The following KIF4A variants were observed in gnomAD, a reference collection of about 807,000 sequenced individuals.
The protein encoded by KIF4A is chromosome-associated kinesin KIF4A.
KIF4A carries 7 observed loss-of-function variants against 105.9 expected under a neutral mutation model. The ratio of observed to expected loss-of-function variants is 0.07; its 90% CI spans 0.04 to 0.12. KIF4A has a LOEUF of 0.12. KIF4A is among the 10% of genes least tolerant of loss of function. KIF4A has a pLI of 1.00. For synonymous variants in KIF4A, 281 were observed against 331.3 expected (o/e 0.85, Z 1.65); for missense variants, 558 against 929.2 (o/e 0.60, Z 5.19).
At chrX:70,406,820 T>G (rs2086302025) in intron 27 of KIF4A, 73 bp from the exon 28 acceptor site, 1 of 1,036,935 alleles carries the variant, frequency 9.6e-7, no homozygotes, top group Non-Finnish European at 1.3e-6. Context: ...CAACAGCTAC[T>G]GGGAAGATAT....
chrX:70,353,150 T>G (rs763878916), intron 14 of KIF4A, among the ~76,000 whole-genome samples: 1 of 112,249 alleles, frequency 8.9e-6, no homozygotes, highest in East Asian at 2.8e-4. Flanking sequence ...AAAGACAAAA[T>G]GAAAGGCTGG....
At chrX:70,396,081 A>T (rs1602802143) in intron 22 of KIF4A, 32 bp downstream of exon 22, 1 of 1,020,187 alleles carries the variant, frequency 9.8e-7, no homozygotes, top group Non-Finnish European at 1.4e-6. Context: ...CCATTATAAA[A>T]ATTTATGCCT....
At chrX:70,322,544 C>T (rs1024727824) in intron 7 of KIF4A, among the ~76,000 whole-genome samples, 4 of 108,647 alleles carry the variant, frequency 3.7e-5, no homozygotes, top group African/African-American at 1.3e-4. Context: ...ATCTCCTGAC[C>T]TCGTGATCCA....
In KIF4A at chrX:70,403,942, A is replaced by G; in HGVS notation, c.2698A>G (p.Lys900Glu). The change falls in exon 24 of 31, where the codon AAG becomes GAG. Residue 900 changes from lysine to glutamate, a missense_variant. Transcript: ENST00000374403. ...QSKTSCADMQ[K>E]MLFEERNHFA... ...CAAGACCAGCTGTGCTGACATGCAGAAGATGCTGTTTGAGGAACGAAATCA... is the reference window on the plus strand; with the variant it reads ...CAAGACCAGCTGTGCTGACATGCAGGAGATGCTGTTTGAGGAACGAAATCA... The G allele has an allele frequency of 8.3e-7, 1 of 1,211,922 alleles. No individual in the cohort carries two copies. Among genetic ancestry groups the G allele is most frequent in the African/African-American group, 1.7e-5 (1 of 57,935 alleles).
chrX:70,371,299 G>C (rs1442347142), intron 15 of KIF4A, among the ~76,000 whole-genome samples: 2 of 109,430 alleles, frequency 1.8e-5, no homozygotes, highest in Admixed American at 9.8e-5. Flanking sequence ...CACAGGGTTG[G>C]GGGTAAGGTC....
In KIF4A at chrX:70,420,442, C is replaced by A; in HGVS notation, c.*177C>A. On this transcript the variant is annotated 3_prime_UTR_variant, in exon 31 of 31. Transcript: ENST00000374403. ...TGGATGTGGGCCTTAGCCTCCAGGTCCAGACTACTACTCTATGTTCTCCAG... is the reference window on the plus strand; with the variant it reads ...TGGATGTGGGCCTTAGCCTCCAGGTACAGACTACTACTCTATGTTCTCCAG... 1.6e-6 allele frequency: 1 copy of A among 618,462 alleles called. No homozygotes were observed. The allele number at this position is 618,462 out of a possible 1,213,427, so 51.0% of individuals were successfully genotyped here. A position where few individuals can be genotyped will look rare whatever the true frequency, so the allele number is the denominator to read the frequency against.
intron 14 of KIF4A, among the ~76,000 whole-genome samples, chrX:70,353,289 T>G (rs2086038476): frequency 8.9e-6 from 1 of 111,930 alleles, no homozygotes; most frequent in Admixed American, 9.5e-5. Context: ...ATGAACCCTT[T>G]TCTCAATTTC....
intron 7 of KIF4A, among the ~76,000 whole-genome samples, chrX:70,321,176 G>A (rs1213404897): frequency 9.0e-6 from 1 of 110,737 alleles, no homozygotes; most frequent in Non-Finnish European, 1.9e-5. Context: ...CTCCATGCCA[G>A]CTGTCAGGTC....
intron 15 of KIF4A, among the ~76,000 whole-genome samples, chrX:70,363,242 TTC>T (rs1473006390): frequency 3.3e-5 from 2 of 60,922 alleles, no homozygotes; most frequent in East Asian, 8.5e-4. Flanking sequence ...GAAACTATTT[TTC>T]TTTTTTTTTT....
At chrX:70,315,557 T>C (rs1378171860) in intron 7 of KIF4A, among the ~76,000 whole-genome samples, 1 of 111,736 alleles carries the variant, frequency 8.9e-6, no homozygotes, top group Non-Finnish European at 1.9e-5. Flanking sequence ...CTGGGTCCCT[T>C]TAGGTGTATT....
chrX:70,404,117 G>A, intron 24 of KIF4A, 83 bp downstream of exon 24: 4 of 1,082,887 alleles, frequency 3.7e-6, no homozygotes, highest in East Asian at 3.2e-5. Context: ...GTGGGGATAT[G>A]AAATTTCTTT....
intron 5 of KIF4A, among the ~76,000 whole-genome samples, chrX:70,300,773 A>G (rs1296651784): frequency 8.9e-6 from 1 of 112,097 alleles, no homozygotes; most frequent in Non-Finnish European, 1.9e-5. Context: ...GTTACAAGTG[A>G]TATGTGAATT....
chrX:70,313,900 A>G (rs1263229628), intron 7 of KIF4A, among the ~76,000 whole-genome samples: 1 of 112,677 alleles, frequency 8.9e-6, no homozygotes, highest in Non-Finnish European at 1.9e-5. Flanking sequence ...ATAGGATTTG[A>G]ATATATTCTC....
Position 70,297,145 on chromosome X carries a change from A to G in KIF4A, c.383A>G (p.Lys128Arg), listed in dbSNP as rs1248911890. Residue 128 changes from lysine (K) to arginine (R), a missense_variant, in exon 4 of 31, where the codon AAA becomes AGA. This residue lies in a region of KIF4A where 89 missense variants were observed against 248.8 expected (regional missense o/e 0.36). Coordinates refer to ENST00000374403, the MANE Select transcript of KIF4A (RefSeq NM_012310.5). The part of the protein sequence containing the change: ...VIQLLFKEID[K>R]KSDFEFTLKV... ...CAACTGCTCTTCAAAGAAATTGATA[A>G]AAAGAGTGACTTTGAATTTACTCTG... is the stretch of plus-strand genomic sequence containing the variant. The G allele has an allele frequency of 2.5e-5, 30 of 1,209,165 alleles. No homozygotes were observed. The highest frequency in any genetic ancestry group is 3.4e-5 in the Non-Finnish European group (30 of 894,291).
rs201731152 is a variant in KIF4A, at chrX:70,405,984, ATTGTGGTGAC to A, written c.2976+83_2976+92del. Reference sequence around the variant, plus strand: ...AGGCCAGCTCTTGGGACCAACCCCCATTGTGGTGACTTGGCTTTATTTCATGAGGTCTACA... The same window carrying A: ...AGGCCAGCTCTTGGGACCAACCCCCATTGGCTTTATTTCATGAGGTCTACA... On this transcript the variant is annotated intron_variant, in intron 26 of 30. Transcript: ENST00000374403. 6,980 of 779,023 alleles carry A rather than the reference ATTGTGGTGAC, an allele frequency of 9.0e-3. 44 individuals are homozygous for A. The highest frequency in any genetic ancestry group is 9.7e-3 in the Non-Finnish European group (4,940 of 511,180). 64.2% of individuals were successfully genotyped at this position (779,023 alleles called of 1,213,427 possible).
At chrX:70,347,718 G>A (rs1381867229) in intron 13 of KIF4A, among the ~76,000 whole-genome samples, 1 of 108,133 alleles carries the variant, frequency 9.2e-6, no homozygotes, top group East Asian at 2.9e-4. Context: ...GCTCACGCCT[G>A]TAATCCCAGC....
At chrX:70,295,871 C>T (rs576422023) in intron 3 of KIF4A, among the ~76,000 whole-genome samples, 169 of 105,504 alleles carry the variant, frequency 1.6e-3, no homozygotes, top group Middle Eastern at 9.9e-3. Flanking sequence ...TAGCCGAGAT[C>T]GCGCCACTGC....
intron 17 of KIF4A, 149 bp from the exon 18 acceptor site, chrX:70,375,951 A>T (rs2086173317): frequency 4.8e-6 from 2 of 420,096 alleles, no homozygotes; most frequent in African/African-American, 4.9e-5. Flanking sequence ...AGCAAGGGGT[A>T]TTGTAAGCCT....
At chrX:70,372,201 G>A (rs1433701545) in intron 15 of KIF4A, among the ~76,000 whole-genome samples, 9 of 110,389 alleles carry the variant, frequency 8.2e-5, no homozygotes, top group African/African-American at 3.0e-4. Flanking sequence ...CCAGACGATG[G>A]GCGGCCAGGC....
Sources: allele counts gnomAD v4.1 joint callset (sites outside exome capture counted in the v4.1 genomes callset), GRCh38; gene constraint gnomAD v4.1.1; regional missense constraint gnomAD v4.1.1; transcripts MANE v1.5; gene names NCBI Gene and HGNC (gene_info 2026-07-23, HGNC 2026-07-21).